The following PTBP2 variants were observed in gnomAD, a reference collection of about 807,000 sequenced individuals.
The protein encoded by PTBP2 is polypyrimidine tract binding protein 2.
PTBP2 carries 13 observed loss-of-function variants against 61.4 expected under a neutral mutation model. The ratio of observed to expected loss-of-function variants is 0.21; its 90% CI spans 0.14 to 0.34. The LOEUF (loss-of-function observed/expected upper bound fraction) is 0.34, where lower values mean the gene tolerates loss of function less well. Ranked by LOEUF, PTBP2 falls within the 10% of genes least tolerant of loss-of-function variation. The pLI, the probability that PTBP2 is intolerant of heterozygous loss-of-function variation, is 1.00. For synonymous variants in PTBP2, 215 were observed against 218.5 expected (o/e 0.98, Z 0.14); for missense variants, 405 against 642.6 (o/e 0.63, Z 4.00).
At chr1:96,784,159 TTCCAGCTTATA>T (rs1285322940) in intron 7 of PTBP2, among the ~76,000 whole-genome samples, 1 of 152,146 alleles carries the variant, frequency 6.6e-6, no homozygotes, top group Non-Finnish European at 1.5e-5. Flanking sequence ...TCTAGTTTGT[TTCCAGCTTATA>T]TCCAGCTGAA....
intron 2 of PTBP2, among the ~76,000 whole-genome samples, chr1:96,747,020 C>G (rs1448006292): frequency 6.6e-6 from 1 of 150,956 alleles, no homozygotes; most frequent in Admixed American, 6.6e-5. Flanking sequence ...GTTTGCAATA[C>G]AAGTGATCCT....
chr1:96,733,839 C>G (rs534841110), intron 2 of PTBP2, among the ~76,000 whole-genome samples: 44 of 152,324 alleles, frequency 2.9e-4, no homozygotes, highest in African/African-American at 1.1e-3. Context: ...CCTCCTTAGC[C>G]TACTCAGCGT....
Position 96,803,445 on chromosome 1 carries a change from A to T in PTBP2, c.905-1355A>T, listed in dbSNP as rs191710995. Among the ~76,000 whole-genome samples, 159 of 152,246 alleles carry T rather than the reference A, an allele frequency of 1.0e-3. 1 individual carries two copies. Among genetic ancestry groups the T allele is most frequent in the African/African-American group, 3.7e-3 (153 of 41,570 alleles). On this transcript the variant is annotated intron_variant, in intron 8 of 13. Transcript: ENST00000674951. ...AAAAGGAGAGCCTAAAAAAAAAGGT[A>T]CAGGCAAAAAGGTGTGAAAAGAAAC...
intron 8 of PTBP2, among the ~76,000 whole-genome samples, chr1:96,794,140 A>G (rs1476399608): frequency 6.6e-6 from 1 of 152,106 alleles, no homozygotes; most frequent in Admixed American, 6.5e-5. Context: ...CTTACTTTCC[A>G]TTACCTTCCC....
chr1:96,767,612 TG>T (rs1157564466), intron 3 of PTBP2, among the ~76,000 whole-genome samples: 1 of 152,166 alleles, frequency 6.6e-6, no homozygotes, highest in Non-Finnish European at 1.5e-5. Flanking sequence ...CAGAATAATA[TG>T]TGTTCCTTGT....
chr1:96,761,345 GA>G (rs749897814), intron 3 of PTBP2, among the ~76,000 whole-genome samples: 4 of 80,852 alleles, frequency 4.9e-5, no homozygotes, highest in African/African-American at 1.3e-4. Context: ...TGTGGGATTT[GA>G]TGTGTGTGTG....
intron 7 of PTBP2, among the ~76,000 whole-genome samples, chr1:96,778,683 A>T (rs1557743982): frequency 6.6e-6 from 1 of 152,156 alleles, no homozygotes; most frequent in Non-Finnish European, 1.5e-5. Flanking sequence ...CATTATTATG[A>T]AACCATTTAA....
chr1:96,816,537 T>G, downstream of PTBP2: 1 of 152,310 alleles, frequency 6.6e-6, no homozygotes, highest in South Asian at 2.1e-4. Flanking sequence ...ATCTACAGTT[T>G]ATATTTAACG....
At chr1:96,792,023 G>C (rs1269129321) in intron 8 of PTBP2, among the ~76,000 whole-genome samples, 1 of 151,676 alleles carries the variant, frequency 6.6e-6, no homozygotes, top group Non-Finnish European at 1.5e-5. Flanking sequence ...TTTTTTAGTA[G>C]AGACGGGGTT....
At chr1:96,751,243 C>A in intron 2 of PTBP2, 182 bp from the exon 3 acceptor site, 1 of 678,972 alleles carries the variant, frequency 1.5e-6, no homozygotes, top group East Asian at 2.8e-5. Context: ...ACACTGTTGC[C>A]TTTGTGAGAA....
intron 8 of PTBP2, among the ~76,000 whole-genome samples, chr1:96,794,151 C>T (rs2101118514): frequency 6.6e-6 from 1 of 152,230 alleles, no homozygotes; most frequent in East Asian, 1.9e-4. Flanking sequence ...TTACCTTCCC[C>T]TTTTCTGTGA....
rs139758068 is a variant in PTBP2 at position 96,771,969 on chromosome 1, T to C, written c.432+1118T>C. Among the ~76,000 whole-genome samples, 852 of 152,314 alleles carry C rather than the reference T, an allele frequency of 5.6e-3. 7 individuals are homozygous for C. Among genetic ancestry groups the C allele is most frequent in the Non-Finnish European group, 1.0e-2 (680 of 68,016 alleles). ...CACAACAATCAACACAGAAGGCTTC[T>C]GTGGCCTCAAATGTGGGGGAATTTT... On this transcript the variant is annotated intron_variant, in intron 5 of 13. Transcript: ENST00000674951.
chr1:96,775,795 T>C (rs1184361952), intron 5 of PTBP2, among the ~76,000 whole-genome samples: 2 of 151,994 alleles, frequency 1.3e-5, no homozygotes, highest in Non-Finnish European at 2.9e-5. Context: ...TCATTAAAAA[T>C]GAAATCATAA....
rs1423350281 is a variant in PTBP2, at chr1:96,751,483, G to A, written c.98G>A (p.Ser33Asn). 1 of 1,612,502 alleles carries A rather than the reference G, an allele frequency of 6.2e-7. No homozygotes were observed. The highest frequency in any genetic ancestry group is 8.5e-7 in the Non-Finnish European group (1 of 1,178,848). Residue 33 changes from serine to asparagine, a missense_variant, in exon 3 of 14, where the codon AGC becomes AAC. Around this residue, in one of 4 missense-constraint regions of PTBP2, gnomAD observed 342 missense variants for 491.2 expected, o/e 0.70. Coordinates refer to ENST00000674951, the MANE Select transcript of PTBP2 (RefSeq NM_021190.4). Reference sequence around the variant, plus strand: ...CTCAGTAGTCCGAACTCTAATATGAGCAGCATGGTAGTTACAGGTAAGTGT... The same window carrying A: ...CTCAGTAGTCCGAACTCTAATATGAACAGCATGGTAGTTACAGGTAAGTGT... ...SVLSSPNSNM[S>N]SMVVTANGND...
At position 96,813,512 on chromosome 1, in the gene PTBP2, TTTTGGGGTTTC is replaced by T; in HGVS notation, c.*111_*121del. ...AGTTTGATTTTTTTTGTTTTTGTTT[TTTTGGGGTTTC>T]TTTTTTTTTTCCATGCTGTTATCAT... On this transcript the variant is annotated 3_prime_UTR_variant, in exon 14 of 14. Transcript: ENST00000674951. 1 of 1,174,328 alleles carries T rather than the reference TTTTGGGGTTTC, an allele frequency of 8.5e-7. No individual in the cohort carries two copies. Among genetic ancestry groups the T allele is most frequent in the Non-Finnish European group, 1.1e-6 (1 of 875,300 alleles). 72.7% of individuals were successfully genotyped at this position (1,174,328 alleles called of 1,614,324 possible). A position where few individuals can be genotyped will look rare whatever the true frequency, so the allele number is the denominator to read the frequency against.
At chr1:96,798,062 C>A (rs1445335258) in intron 8 of PTBP2, among the ~76,000 whole-genome samples, 13 of 137,130 alleles carry the variant, frequency 9.5e-5, no homozygotes, top group African/African-American at 3.6e-4. Context: ...GGCGACAGAG[C>A]GAGACTCTGT....
At chr1:96,772,671 T>C (rs1657515101) in intron 5 of PTBP2, among the ~76,000 whole-genome samples, 1 of 152,214 alleles carries the variant, frequency 6.6e-6, no homozygotes, top group Non-Finnish European at 1.5e-5. Context: ...TAATGTGTTA[T>C]TTGTCTTTCT....
In PTBP2 at chr1:96,777,574, T is replaced by G; in HGVS notation, c.433-11T>G. On this transcript the variant is annotated splice_polypyrimidine_tract_variant and intron_variant, in intron 5 of 13. Transcript: ENST00000674951. ...GGGTATGTTTCTAAACTACATAATC[T>G]TAATTTCCAGCGTGCTCAGGCAGTT... 11 of 1,598,966 alleles carry G rather than the reference T, an allele frequency of 6.9e-6. No individual in the cohort carries two copies. Among genetic ancestry groups the G allele is most frequent in the Non-Finnish European group, 9.4e-6 (11 of 1,173,774 alleles).
chr1:96,793,364 T>TTTTTA (rs1406598112), intron 8 of PTBP2, among the ~76,000 whole-genome samples: 3 of 152,208 alleles, frequency 2.0e-5, no homozygotes, highest in South Asian at 4.1e-4. Context: ...AATTGTTTAT[T>TTTTTA]TTTTATTTTA....
Sources: allele counts gnomAD v4.1 joint callset (sites outside exome capture counted in the v4.1 genomes callset), GRCh38; gene constraint gnomAD v4.1.1; regional missense constraint gnomAD v4.1.1; transcripts MANE v1.5; gene names NCBI Gene and HGNC (gene_info 2026-07-23, HGNC 2026-07-21).